Variants in AMBRA1 observed in about 807,000 individuals in gnomAD.
The protein encoded by AMBRA1 is autophagy and beclin 1 regulator 1, also known as activating molecule in BECN1-regulated autophagy protein 1.
Under a neutral mutation model 125.4 loss-of-function variants are expected in AMBRA1, and 47 were observed. That is an observed-to-expected ratio of 0.37 (90% CI 0.30 to 0.48). The LOEUF (loss-of-function observed/expected upper bound fraction) is 0.48. AMBRA1 is among the 20% of genes least tolerant of loss of function. The probability of loss-of-function intolerance (pLI) is 0.99; values close to 1 mark genes in which losing one functional copy is unlikely to be tolerated. For synonymous variants in AMBRA1, 626 were observed against 655.5 expected, an observed-to-expected ratio of 0.95 and a Z score of 0.69; for missense variants, 1,331 against 1,693.4, an observed-to-expected ratio of 0.79 and a Z score of 3.76.
At chr11:46,515,243 T>C (rs1459356382) in intron 7 of AMBRA1, among the ~76,000 whole-genome samples, 1 of 152,092 alleles carries the variant, frequency 6.6e-6, no homozygotes, top group Non-Finnish European at 1.5e-5. Context: ...GGAGGCCAGA[T>C]GGGTGAACTG....
intron 7 of AMBRA1, among the ~76,000 whole-genome samples, chr11:46,533,914 C>A (rs1952335102): frequency 6.6e-6 from 1 of 151,710 alleles, no homozygotes; most frequent in Admixed American, 6.6e-5. Flanking sequence ...GCTGACGGTG[C>A]CAAGCATCTC....
intron 7 of AMBRA1, chr11:46,518,100 A>G (rs1042509499): frequency 1.0e-6 from 1 of 984,760 alleles, no homozygotes; most frequent in Non-Finnish European, 1.2e-6. Context: ...TTAAAGTAAA[A>G]TACTGAAAAG....
At position 46,494,115 on chromosome 11, in the gene AMBRA1, G is replaced by C; in HGVS notation, c.2420+9C>G. 6.3e-7 allele frequency: 1 copy of C among 1,599,600 alleles called. No homozygotes were observed. Among genetic ancestry groups the C allele is most frequent in the Non-Finnish European group, 8.5e-7 (1 of 1,171,066 alleles). ...AGGCTCCCTCTGTTGCTAGCAACTC[G>C]GTTCTTACCTTGGGACAAAGCGTCC... On this transcript the variant is annotated intron_variant, in intron 10 of 17. Coordinates refer to ENST00000683756, the MANE Select transcript of AMBRA1 (RefSeq NM_001387011.1).
chr11:46,577,147 C>A (rs767303405), intron 1 of AMBRA1, among the ~76,000 whole-genome samples: 11 of 152,100 alleles, frequency 7.2e-5, no homozygotes, highest in Non-Finnish European at 1.5e-4. Flanking sequence ...TGAAAATAAG[C>A]CAATGCACAT....
At position 46,410,384 on chromosome 11, in the gene AMBRA1, G is replaced by A. The variant is rs896637050; in HGVS notation, c.3117-16C>T. On this transcript the variant is annotated splice_polypyrimidine_tract_variant and intron_variant, in intron 15 of 17. Coordinates refer to ENST00000683756, the MANE Select transcript of AMBRA1 (RefSeq NM_001387011.1). ...GTTTAAGGCCCTAAAAATCAGTTGG[G>A]AAGGGTAAAGAAGAAGGTGAAAGGC... The A allele has an allele frequency of 6.2e-7, 1 of 1,607,102 alleles. No homozygotes were observed.
At chr11:46,511,125 G>C (rs1951241250) in intron 8 of AMBRA1, among the ~76,000 whole-genome samples, 1 of 152,218 alleles carries the variant, frequency 6.6e-6, no homozygotes, top group Non-Finnish European at 1.5e-5. Context: ...AAGTATCCTT[G>C]TAGAACACTG....
chr11:46,532,349 T>G (rs1223759086), intron 7 of AMBRA1, among the ~76,000 whole-genome samples: 10 of 152,120 alleles, frequency 6.6e-5, no homozygotes, highest in Admixed American at 6.5e-4. Context: ...AAACAAAAGT[T>G]TTTCTCAAAA....
intron 17 of AMBRA1, among the ~76,000 whole-genome samples, chr11:46,401,849 C>A (rs1201831967): frequency 2.6e-5 from 4 of 152,242 alleles, no homozygotes; most frequent in African/African-American, 9.6e-5. Context: ...TAAGTCTGCA[C>A]CCTGTTCAAA....
intron 7 of AMBRA1, among the ~76,000 whole-genome samples, chr11:46,537,631 A>T (rs1199520793): frequency 6.6e-6 from 1 of 152,208 alleles, no homozygotes; most frequent in Non-Finnish European, 1.5e-5. Flanking sequence ...GTAGCGTCAG[A>T]CTATTATAAA....
At chr11:46,418,304 ATATATTTTATTATTTATATATAAATATG>A (rs1475838030) in intron 14 of AMBRA1, among the ~76,000 whole-genome samples, 8 of 107,954 alleles carry the variant, frequency 7.4e-5, no homozygotes, top group South Asian at 3.2e-4. Context: ...AATATATAAT[ATATATTTTATTATTTATATATAAATATG>A]TATTTTATTA....
chr11:46,538,717 C>T (rs994042635), intron 7 of AMBRA1, among the ~76,000 whole-genome samples: 25 of 152,202 alleles, frequency 1.6e-4, no homozygotes, highest in African/African-American at 5.8e-4. Flanking sequence ...AGGCTGGTCT[C>T]GAACTCCTGA....
intron 7 of AMBRA1, among the ~76,000 whole-genome samples, chr11:46,517,788 G>A (rs934183293): frequency 3.5e-5 from 5 of 142,460 alleles, no homozygotes; most frequent in Admixed American, 7.2e-5. Context: ...CCAAGATCGC[G>A]CCACTGCACT....
chr11:46,563,801 A>G (rs1318992094), intron 1 of AMBRA1, among the ~76,000 whole-genome samples: 1 of 146,928 alleles, frequency 6.8e-6, no homozygotes, highest in African/African-American at 2.5e-5. Context: ...AGATCACACC[A>G]CTGTACTCCA....
chr11:46,436,357 A>G (rs960593008), intron 12 of AMBRA1, among the ~76,000 whole-genome samples: 2 of 152,256 alleles, frequency 1.3e-5, no homozygotes, highest in Non-Finnish European at 1.5e-5. Flanking sequence ...ATGACAGTGT[A>G]TATCAAAAAA....
chr11:46,404,290 C>T (rs1379124168), intron 17 of AMBRA1, among the ~76,000 whole-genome samples: 2 of 152,200 alleles, frequency 1.3e-5, no homozygotes, highest in Non-Finnish European at 2.9e-5. Context: ...AACTCCCTGA[C>T]CAGAGGGTTT....
intron 11 of AMBRA1, among the ~76,000 whole-genome samples, chr11:46,453,636 T>C (rs1340711845): frequency 6.6e-6 from 1 of 152,202 alleles, no homozygotes; most frequent in Non-Finnish European, 1.5e-5. Context: ...GTGTATTATC[T>C]ATAGCTGAAA....
At chr11:46,506,369 T>C (rs1951035027) in intron 9 of AMBRA1, among the ~76,000 whole-genome samples, 1 of 152,224 alleles carries the variant, frequency 6.6e-6, no homozygotes, top group Non-Finnish European at 1.5e-5. Flanking sequence ...TCCCACTTAG[T>C]TTTCCTTTTG....
chr11:46,508,133 T>G, intron 9 of AMBRA1, 58 bp downstream of exon 9: 1 of 1,586,406 alleles, frequency 6.3e-7, no homozygotes. Flanking sequence ...AGTGGCCAAC[T>G]TGGAAGCACT....
At chr11:46,520,036 G>A (rs1304731371) in intron 7 of AMBRA1, among the ~76,000 whole-genome samples, 1 of 151,830 alleles carries the variant, frequency 6.6e-6, no homozygotes, top group Admixed American at 6.6e-5. Context: ...CTACTCAGGT[G>A]GCTGAGGCAG....
Sources: gnomAD v4.1 joint callset for allele counts (sites outside exome capture counted in the v4.1 genomes callset) on GRCh38, gnomAD v4.1.1 for gene constraint, MANE v1.5 for transcripts, NCBI Gene and HGNC (gene_info 2026-07-23, HGNC 2026-07-21) for gene names.